The following CASTOR1 variants were observed in gnomAD, a reference collection of about 807,000 sequenced individuals.
CASTOR1 encodes GATS protein like 3.
A neutral mutation model predicts 33.7 loss-of-function variants in CASTOR1; 18 were observed. The ratio of observed to expected loss-of-function variants is 0.53; its 90% CI spans 0.37 to 0.79. CASTOR1 has a LOEUF of 0.79. Ranked by LOEUF, CASTOR1 falls within the 30% of genes least tolerant of loss-of-function variation. CASTOR1 has a pLI of 0.00. For missense variants in CASTOR1, 362 were observed against 446.3 expected, an observed-to-expected ratio of 0.81 and a Z score of 1.70; for synonymous variants, 175 against 190.6, an observed-to-expected ratio of 0.92 and a Z score of 0.67.
rs548655470 is a variant in CASTOR1 at position 30,288,626 on chromosome 22, C to G, written c.184+80G>C. 101 of 1,257,728 alleles carry G rather than the reference C, an allele frequency of 8.0e-5. No homozygotes were observed. The African/African-American group carries it at 1.3e-3, about 17-fold the overall frequency. The allele number at this position is 1,257,728 out of a possible 1,614,324, so 77.9% of individuals were successfully genotyped here. On this transcript the variant is annotated intron_variant, in intron 2 of 8. Coordinates refer to ENST00000407689, the MANE Select transcript of CASTOR1 (RefSeq NM_001037666.3). ...TAAGGCTTAAGCTCTTGGGACGGAT[C>G]CCAGCAACTGGTGAGAACCCTACAG...
Position 30,288,700 on chromosome 22 carries a change from C to G in CASTOR1, c.184+6G>C, listed in dbSNP as rs745464060. Reference sequence around the variant, plus strand: ...CCGTACTCCCGTTCCCCAGACCAACCCCCACCTTTAAAGCCCTCCTCGTCC... The same window carrying G: ...CCGTACTCCCGTTCCCCAGACCAACGCCCACCTTTAAAGCCCTCCTCGTCC... On this transcript the variant is annotated splice_donor_region_variant and intron_variant, in intron 2 of 8. Transcript: ENST00000407689. The G allele has an allele frequency of 4.3e-6, 7 of 1,611,580 alleles. No individual in the cohort carries two copies. In the South Asian group the frequency reaches 7.7e-5, roughly 18 times the overall value.
Position 30,289,486 on chromosome 22 carries a change from G to A in CASTOR1, c.12C>T (p.His4=), listed in dbSNP as rs1364492079. 1 of 1,578,338 alleles carries A rather than the reference G, an allele frequency of 6.3e-7. No homozygotes were observed. Residue 4 remains histidine, a synonymous_variant, in exon 1 of 9, where the codon CAC becomes CAT. Transcript: ENST00000407689. MEL[H]ILEHRVRVLS... is the part of the protein sequence containing the mutation. ...GCACCCGCACCCGGTGTTCTAGGAT[G>A]TGCAGCTCCATCGCGGCTCGCGCGG...
In CASTOR1 at chr22:30,285,601, G is replaced by T; in HGVS notation, c.*19C>A. The T allele has an allele frequency of 6.5e-7, 1 of 1,543,614 alleles. No individual in the cohort carries two copies. The highest frequency in any genetic ancestry group is 8.8e-7 in the Non-Finnish European group (1 of 1,140,270). On this transcript the variant is annotated 3_prime_UTR_variant, in exon 9 of 9. Coordinates refer to ENST00000407689, the MANE Select transcript of CASTOR1 (RefSeq NM_001037666.3). The stretch of plus-strand genomic sequence containing the variant: ...GGGTCGAGGGGAGAGCAGGGAGGCT[G>T]CTCTGTTGCCCATGGGCCTCAGGAA...
chr22:30,287,354 G>C lies in CASTOR1; in HGVS notation c.372+19C>G, dbSNP rs199977995. ...CCTATATCCACCCTGCTCTGCATCA[G>C]CACCAGCAGGAAACTCACCAGGATG... On this transcript the variant is annotated intron_variant, in intron 3 of 8. Transcript: ENST00000407689. 3.5e-5 allele frequency: 56 copies of C among 1,603,426 alleles called. No individual in the cohort carries two copies. The highest frequency in any genetic ancestry group is 4.6e-5 in the Non-Finnish European group (54 of 1,173,542).
Position 30,285,291 on chromosome 22 carries a change from T to G in CASTOR1, c.*329A>C. ...AGCGGGGCAGCTGGCCCAGGAAGCC[T>G]TTGGGGAATGGCTCAGGCCTCAGGC... is the stretch of plus-strand genomic sequence containing the variant. On this transcript the variant is annotated 3_prime_UTR_variant, in exon 9 of 9. Coordinates refer to ENST00000407689, the MANE Select transcript of CASTOR1 (RefSeq NM_001037666.3). The G allele has an allele frequency of 1.4e-5, 3 of 220,550 alleles. No individual in the cohort carries two copies. The highest frequency in any genetic ancestry group is 2.7e-5 in the Non-Finnish European group (3 of 112,188). The allele number at this position is 220,550 out of a possible 1,614,324, so 13.7% of individuals were successfully genotyped here. A position where few individuals can be genotyped will look rare whatever the true frequency, so the allele number is the denominator to read the frequency against.
chr22:30,286,072 C>A lies in CASTOR1; in HGVS notation c.770G>T (p.Ser257Ile). ...KKFPSDLLLT[S>I]SSGELWRMVR... Reference sequence around the variant, plus strand: ...CATCCTCCACAGCTCCCCCGAGGAGCTGGTCAGCAGGAGGTCACTGGGGAA... The same window carrying A: ...CATCCTCCACAGCTCCCCCGAGGAGATGGTCAGCAGGAGGTCACTGGGGAA... The change falls in exon 7 of 9, where the codon AGC (serine) becomes ATC (isoleucine). Residue 257 changes from serine to isoleucine, a missense_variant. Coordinates refer to ENST00000407689, the MANE Select transcript of CASTOR1 (RefSeq NM_001037666.3). 6.3e-7 allele frequency: 1 copy of A among 1,580,602 alleles called. No individual in the cohort carries two copies. Among genetic ancestry groups the A allele is most frequent in the Non-Finnish European group, 8.6e-7 (1 of 1,161,500 alleles).
At chr22:30,288,097 G>T in intron 2 of CASTOR1, 1 of 351,112 alleles carries the variant, frequency 2.8e-6, no homozygotes, top group East Asian at 7.7e-5. Context: ...AGCCTGTGAG[G>T]ATGGGCAGGG....
At chr22:30,286,213 C>A (rs1472524759) in intron 6 of CASTOR1, 50 bp downstream of exon 6, 2 of 1,491,970 alleles carry the variant, frequency 1.3e-6, no homozygotes, top group East Asian at 2.3e-5. Context: ...CTCCTCCCTG[C>A]CTGGGACTGG....
chr22:30,286,364 C>T lies in CASTOR1; in HGVS notation c.642G>A (p.Glu214=), dbSNP rs1044650086. The change falls in exon 6 of 9, where the codon GAG becomes GAA. Residue 214 remains glutamate, a synonymous_variant. Transcript: ENST00000407689. ...TGGGTTCAGGACTGCTAGAGGCTGC[C>T]TCCTTGGGGGTGCTGGGGAGGGATG... ...VLFYSHSTPK[E]AASSSPEPSS... is the part of the protein sequence containing the mutation. The T allele has an allele frequency of 3.1e-6, 5 of 1,613,092 alleles. No individual in the cohort carries two copies. Among genetic ancestry groups the T allele is most frequent in the Admixed American group, 1.7e-5 (1 of 59,994 alleles).
chr22:30,286,993 G>A (rs1601662630), intron 4 of CASTOR1, 45 bp from the exon 5 acceptor site: 1 of 1,579,240 alleles, frequency 6.3e-7, no homozygotes, highest in Non-Finnish European at 8.6e-7. Context: ...GTGGGCTGGG[G>A]CGCCCCCTGG....
chr22:30,286,176 T>C, intron 6 of CASTOR1, 78 bp from the exon 7 acceptor site: 1 of 1,433,610 alleles, frequency 7.0e-7, no homozygotes, highest in South Asian at 1.3e-5. Context: ...CAGGTACACC[T>C]GCTGACCTCA....
Position 30,287,439 on chromosome 22 carries a change from G to C in CASTOR1, c.306C>G (p.Ile102Met). 6.2e-7 allele frequency: 1 copy of C among 1,613,458 alleles called. No homozygotes were observed. Among genetic ancestry groups the C allele is most frequent in the Non-Finnish European group, 8.5e-7 (1 of 1,180,036 alleles). The change falls in exon 3 of 9, where the codon ATC (isoleucine) becomes ATG (methionine). Residue 102 changes from isoleucine to methionine, a missense_variant. Ile to Met is a conservative substitution (Grantham distance 10). Transcript: ENST00000407689. Reference sequence around the variant, plus strand: ...ACACGTGGTGCTCGGCCAGTGGCGCGATGACCGAACGGGCGATCTTGGTGA... The same window carrying C: ...ACACGTGGTGCTCGGCCAGTGGCGCCATGACCGAACGGGCGATCTTGGTGA... ...AGVTKIARSV[I>M]APLAEHHVSV... is the part of the protein sequence containing the mutation.
At chr22:30,288,835 ATTTCT>A in intron 1 of CASTOR1, 59 bp from the exon 2 acceptor site, 1 of 1,431,784 alleles carries the variant, frequency 7.0e-7, no homozygotes, top group Non-Finnish European at 9.6e-7. Flanking sequence ...TCGGGAGTGG[ATTTCT>A]CTCCATCTGC....
intron 2 of CASTOR1, 54 bp from the exon 3 acceptor site, chr22:30,287,614 C>T: frequency 6.7e-7 from 1 of 1,494,506 alleles, no homozygotes. Context: ...CCCTGCCCCT[C>T]TCTGAGCCTC....
Position 30,287,395 on chromosome 22 carries a change from G to A in CASTOR1, c.350C>T (p.Thr117Ile). 1 of 1,613,072 alleles carries A rather than the reference G, an allele frequency of 6.2e-7. No homozygotes were observed. The highest frequency in any genetic ancestry group is 1.1e-5 in the South Asian group (1 of 91,054). ...EHHVSVLMLS[T>I]YQTDFILVRE... ...CACCAGGATGAAGTCCGTCTGGTAA[G>A]TGGACAGCATCAGCACAGACACGTG... is the stretch of plus-strand genomic sequence containing the variant. Residue 117 changes from threonine to isoleucine, a missense_variant, in exon 3 of 9, where the codon ACT becomes ATT. Coordinates refer to ENST00000407689, the MANE Select transcript of CASTOR1 (RefSeq NM_001037666.3).
intron 5 of CASTOR1, 32 bp from the exon 6 acceptor site, chr22:30,286,408 C>T (rs991751083): frequency 1.4e-6 from 2 of 1,417,426 alleles, no homozygotes; most frequent in Non-Finnish European, 2.0e-6. Flanking sequence ...AGGGGCTCTA[C>T]CAGGCACCCA....
intron 7 of CASTOR1, 23 bp downstream of exon 7, chr22:30,285,993 C>G (rs765264145): frequency 2.5e-6 from 4 of 1,587,512 alleles, no homozygotes; most frequent in African/African-American, 2.7e-5. Context: ...CCCCAGCCCC[C>G]CAACACCGGG....
chr22:30,287,023 G>A (rs781649433), intron 4 of CASTOR1, 75 bp from the exon 5 acceptor site: 237 of 1,563,136 alleles, frequency 1.5e-4, no homozygotes, highest in Non-Finnish European at 2.0e-4. Context: ...AGGGAGAGGC[G>A]TGGGCCAGGG....
At chr22:30,287,311 C>A in intron 3 of CASTOR1, 24 bp from the exon 4 acceptor site, 4 of 1,576,218 alleles carry the variant, frequency 2.5e-6, no homozygotes, top group Non-Finnish European at 3.5e-6. Context: ...GATGGCACAT[C>A]ACATGGGCTC....
Sources: allele counts gnomAD v4.1 joint callset, GRCh38; gene constraint gnomAD v4.1.1; transcripts MANE v1.5; gene names NCBI Gene and HGNC (gene_info 2026-07-23, HGNC 2026-07-21).